The following ADAMTSL1 variants were observed in gnomAD, a reference collection of about 807,000 sequenced individuals.
ADAMTSL1 encodes the protein ADAMTS like 1.
A neutral mutation model predicts 201.8 loss-of-function variants in ADAMTSL1; 126 were observed. The ratio of observed to expected loss-of-function variants is 0.62; its 90% CI spans 0.54 to 0.72. ADAMTSL1 has a LOEUF of 0.72. Ranked by LOEUF, ADAMTSL1 falls within the 30% of genes least tolerant of loss-of-function variation. The pLI, the probability that ADAMTSL1 is intolerant of heterozygous loss-of-function variation, is 0.00. For synonymous variants in ADAMTSL1, 1,121 were observed against 903.4 expected (o/e 1.24, Z -4.32); for missense variants, 2,679 against 2,277.8 (o/e 1.18, Z -3.59).
chr9:18,874,655 A>T (rs1175594078), intron 23 of ADAMTSL1, among the ~76,000 whole-genome samples: 1 of 152,130 alleles, frequency 6.6e-6, no homozygotes, highest in Non-Finnish European at 1.5e-5. Context: ...TATCTTTTTA[A>T]TATGCTGTTG....
intron 1 of ADAMTSL1, among the ~76,000 whole-genome samples, chr9:18,099,356 T>TATA (rs60877701): frequency 0.024 from 945 of 39,236 alleles, 2 homozygotes; most frequent in Non-Finnish European, 0.031. Context: ...TATATATATA[T>TATA]TTTTTTTTTT....
intron 14 of ADAMTSL1, among the ~76,000 whole-genome samples, chr9:18,714,998 A>C (rs1255634222): frequency 2.9e-3 from 271 of 93,686 alleles, no homozygotes; most frequent in Non-Finnish European, 3.6e-3. Context: ...AGACAAAAAC[A>C]ACATGATTAT....
chr9:18,568,265 C>A (rs549992349), intron 3 of ADAMTSL1, among the ~76,000 whole-genome samples: 11 of 152,038 alleles, frequency 7.2e-5, no homozygotes, highest in Non-Finnish European at 1.0e-4. Context: ...CTATTCAGTG[C>A]TTTCATCTTA....
At chr9:18,127,718 G>T (rs1316071112) in intron 1 of ADAMTSL1, among the ~76,000 whole-genome samples, 1 of 152,108 alleles carries the variant, frequency 6.6e-6, no homozygotes, top group African/African-American at 2.4e-5. Context: ...CCTTGGGAAT[G>T]GGTGGGGAAA....
At chr9:17,930,713 G>A (rs1055416830) in intron 1 of ADAMTSL1, among the ~76,000 whole-genome samples, 1 of 152,236 alleles carries the variant, frequency 6.6e-6, no homozygotes, top group Admixed American at 6.5e-5. Context: ...TGTTTGTGGA[G>A]AAGTTTTTGC....
At chr9:18,081,254 A>G (rs1823487203) in intron 1 of ADAMTSL1, among the ~76,000 whole-genome samples, 1 of 152,202 alleles carries the variant, frequency 6.6e-6, no homozygotes, top group South Asian at 2.1e-4. Flanking sequence ...AGATACCATC[A>G]AGTCTAGTGT....
intron 9 of ADAMTSL1, among the ~76,000 whole-genome samples, chr9:18,665,034 T>C (rs566712372): frequency 6.6e-6 from 1 of 152,260 alleles, no homozygotes; most frequent in South Asian, 2.1e-4. Context: ...AGTGTTGTAC[T>C]ACCGAAGTAA....
chr9:18,356,143 T>C (rs1238185128), intron 2 of ADAMTSL1, among the ~76,000 whole-genome samples: 1 of 152,168 alleles, frequency 6.6e-6, no homozygotes, highest in Non-Finnish European at 1.5e-5. Context: ...ATGGGGGACA[T>C]GGGGGTGTCT....
At chr9:18,478,619 G>A (rs1821578541) in intron 1 of ADAMTSL1, among the ~76,000 whole-genome samples, 1 of 152,118 alleles carries the variant, frequency 6.6e-6, no homozygotes, top group African/African-American at 2.4e-5. Context: ...CTCAGGTCCA[G>A]CTATGTAAGT....
intron 2 of ADAMTSL1, among the ~76,000 whole-genome samples, chr9:18,456,717 A>G (rs1391488488): frequency 6.6e-6 from 1 of 152,190 alleles, no homozygotes; most frequent in Non-Finnish European, 1.5e-5. Context: ...AACTTGCTTT[A>G]ATTTCCCTAG....
At chr9:18,037,368 G>T (rs1323879115) in intron 1 of ADAMTSL1, among the ~76,000 whole-genome samples, 1 of 152,116 alleles carries the variant, frequency 6.6e-6, no homozygotes, top group Non-Finnish European at 1.5e-5. Flanking sequence ...ACACAAATTT[G>T]CAGGACTACT....
At chr9:18,058,180 A>C (rs1822281327) in intron 1 of ADAMTSL1, among the ~76,000 whole-genome samples, 1 of 152,242 alleles carries the variant, frequency 6.6e-6, no homozygotes, top group South Asian at 2.1e-4. Context: ...TATTTTGAGT[A>C]ATCTAGAACA....
At chr9:18,721,740 G>A in intron 15 of ADAMTSL1, 75 bp downstream of exon 15, 6 of 1,533,244 alleles carry the variant, frequency 3.9e-6, no homozygotes, top group East Asian at 4.7e-5. Flanking sequence ...GGGCAAGACT[G>A]TAACACTTAT....
At chr9:18,552,960 T>C (rs1003147463) in intron 3 of ADAMTSL1, among the ~76,000 whole-genome samples, 1 of 151,660 alleles carries the variant, frequency 6.6e-6, no homozygotes, top group African/African-American at 2.4e-5. Context: ...CTTTGCTTTC[T>C]TCCATCTATT....
At chr9:18,455,129 T>TA (rs1227498982) in intron 2 of ADAMTSL1, among the ~76,000 whole-genome samples, 2 of 152,226 alleles carry the variant, frequency 1.3e-5, no homozygotes, top group Non-Finnish European at 2.9e-5. Flanking sequence ...TCCATCAAGT[T>TA]AAAATTACTG....
At chr9:18,470,699 C>T (rs910670547), upstream of ADAMTSL1, among the ~76,000 whole-genome samples, 3 of 152,098 alleles carry the variant, frequency 2.0e-5, no homozygotes, top group African/African-American at 4.8e-5. Context: ...GAGAGAAATA[C>T]CGAAAGTTTA....
intron 23 of ADAMTSL1, among the ~76,000 whole-genome samples, chr9:18,874,557 T>C (rs536811958): frequency 5.9e-5 from 9 of 152,320 alleles, no homozygotes; most frequent in African/African-American, 2.2e-4. Flanking sequence ...GGGATTTTTT[T>C]ATTTATGTGA....
chr9:18,848,584 C>A (rs1826281184), intron 23 of ADAMTSL1, among the ~76,000 whole-genome samples: 1 of 152,126 alleles, frequency 6.6e-6, no homozygotes, highest in Admixed American at 6.5e-5. Context: ...CTATCTAAAT[C>A]CTAAAGATTT....
Position 18,800,605 on chromosome 9 carries a change from G to A in ADAMTSL1, c.3805+5081G>A, listed in dbSNP as rs563938837. 2.0e-5 allele frequency among the ~76,000 whole-genome samples: 3 copies of A among 152,180 alleles called. No individual in the cohort carries two copies. The East Asian group carries it at 5.8e-4, about 29-fold the overall frequency. ...TAGAACTTACTTAAAACTGATGAGA[G>A]TATAGCAGGAGAATCTCACTGAGCT... On this transcript the variant is annotated intron_variant, in intron 20 of 28. Transcript: ENST00000380548.
Sources: allele counts gnomAD v4.1 joint callset (sites outside exome capture counted in the v4.1 genomes callset), GRCh38; gene constraint gnomAD v4.1.1; transcripts MANE v1.5; gene names NCBI Gene and HGNC (gene_info 2026-07-23, HGNC 2026-07-21).